Variants in ZFHX4 observed in about 807,000 individuals in gnomAD.
ZFHX4 encodes zinc finger homeobox protein 4.
Under a neutral mutation model 267.6 loss-of-function variants are expected in ZFHX4, and 56 were observed. The ratio of observed to expected loss-of-function variants is 0.21; its 90% confidence interval spans 0.17 to 0.26. The LOEUF is 0.26. ZFHX4 is among the 10% of genes least tolerant of loss of function. The probability of loss-of-function intolerance (pLI) is 1.00; values close to 1 mark genes in which losing one functional copy is unlikely to be tolerated. For missense variants in ZFHX4, 4,332 were observed against 4,420.0 expected, an observed-to-expected ratio of 0.98 and a Z score of 0.56; for synonymous variants, 1,778 against 1,665.6, an observed-to-expected ratio of 1.07 and a Z score of -1.64.
At chr8:76,782,117 T>C in intron 4 of ZFHX4, 1 of 366,828 alleles carries the variant, frequency 2.7e-6, no homozygotes, top group Non-Finnish European at 5.3e-6. Flanking sequence ...TTTTTTTTTT[T>C]TTTTTTTGCC....
At chr8:76,751,209 T>G (rs997369373) in intron 3 of ZFHX4, among the ~76,000 whole-genome samples, 2 of 152,156 alleles carry the variant, frequency 1.3e-5, no homozygotes, top group East Asian at 1.9e-4. Context: ...TTTCTGTTCA[T>G]TGCCTCTTGC....
At chr8:76,797,747 A>G (rs951435011) in intron 4 of ZFHX4, among the ~76,000 whole-genome samples, 1 of 152,162 alleles carries the variant, frequency 6.6e-6, no homozygotes, top group Non-Finnish European at 1.5e-5. Flanking sequence ...TCTAGTAATG[A>G]TGCTGCTGGG....
intron 4 of ZFHX4, among the ~76,000 whole-genome samples, chr8:76,825,210 A>G (rs1259884470): frequency 3.3e-5 from 5 of 152,254 alleles, no homozygotes; most frequent in Admixed American, 6.5e-5. Context: ...AGAATTATGC[A>G]TAAGTACAAC....
At chr8:76,858,296 C>T (rs1178321039) in intron 10 of ZFHX4, among the ~76,000 whole-genome samples, 1 of 152,218 alleles carries the variant, frequency 6.6e-6, no homozygotes, top group Non-Finnish European at 1.5e-5. Flanking sequence ...CCCAAAAATA[C>T]AGGCCCTATT....
intron 3 of ZFHX4, among the ~76,000 whole-genome samples, chr8:76,721,421 G>T (rs546758590): frequency 1.7e-4 from 26 of 152,268 alleles, no homozygotes; most frequent in South Asian, 1.4e-3. Context: ...AAAATGCCCT[G>T]TTCTGGGCCC....
intron 4 of ZFHX4, among the ~76,000 whole-genome samples, chr8:76,813,088 G>A (rs550522802): frequency 4.6e-5 from 7 of 152,132 alleles, no homozygotes; most frequent in African/African-American, 1.7e-4. Context: ...ATGCATAAAA[G>A]TAAAAATTCT....
At chr8:76,764,369 T>G (rs747357799) in intron 3 of ZFHX4, among the ~76,000 whole-genome samples, 1 of 152,172 alleles carries the variant, frequency 6.6e-6, no homozygotes, top group Non-Finnish European at 1.5e-5. Flanking sequence ...TGTTTATTTA[T>G]GCTAGTCAGT....
chr8:76,689,191 A>C (rs561331370), intron 1 of ZFHX4, among the ~76,000 whole-genome samples: 1 of 152,284 alleles, frequency 6.6e-6, no homozygotes, highest in East Asian at 1.9e-4. Context: ...TACATGCAGA[A>C]GGGCTTATTA....
chr8:76,798,603 C>G (rs1320507776), intron 4 of ZFHX4, among the ~76,000 whole-genome samples: 1 of 152,128 alleles, frequency 6.6e-6, no homozygotes. Context: ...AAATTCATTG[C>G]TCATGGCAAG....
chr8:76,825,986 C>T (rs993388641), intron 4 of ZFHX4, among the ~76,000 whole-genome samples: 2 of 152,058 alleles, frequency 1.3e-5, no homozygotes, highest in Non-Finnish European at 2.9e-5. Context: ...GCCGTTTTTG[C>T]ATCACTCTGA....
chr8:76,774,924 A>G (rs1810365332), intron 3 of ZFHX4, among the ~76,000 whole-genome samples: 1 of 152,166 alleles, frequency 6.6e-6, no homozygotes, highest in Non-Finnish European at 1.5e-5. Context: ...ACAAAATATC[A>G]GTAATAGTGG....
Position 76,855,123 on chromosome 8 carries a change from T to G in ZFHX4, c.8202T>G (p.Ser2734=), listed in dbSNP as rs748746427. The change falls in exon 10 of 11, where the codon TCT becomes TCG. Residue 2734 remains serine (S), a synonymous_variant. Transcript: ENST00000651372. The stretch of plus-strand genomic sequence containing the variant: ...AATACATCTATTTTGATTACCCATC[T>G]TTGCCATTAACTAAAATTGATCTAT... The part of the protein sequence containing the change: ...PQKYIYFDYP[S]LPLTKIDLSS... 6.8e-6 allele frequency: 11 copies of G among 1,613,746 alleles called. No homozygotes were observed. The highest frequency in any genetic ancestry group is 9.3e-6 in the Non-Finnish European group (11 of 1,179,762).
At chr8:76,760,344 T>C (rs1809876540) in intron 3 of ZFHX4, among the ~76,000 whole-genome samples, 1 of 152,212 alleles carries the variant, frequency 6.6e-6, no homozygotes, top group Non-Finnish European at 1.5e-5. Context: ...CATTCCTTTA[T>C]TAATATGTCT....
In ZFHX4 at chr8:76,865,738, TAA is replaced by T. The variant is rs1813009561; in HGVS notation, c.*1175_*1176del. ...AAGGGGACTAAAAATTTGTTTTGTA[TAA>T]AGAGGTTAGCCCTGCGCACGTAGGA... On this transcript the variant is annotated 3_prime_UTR_variant, in exon 11 of 11. Coordinates refer to ENST00000651372, the MANE Select transcript of ZFHX4 (RefSeq NM_024721.5). The T allele has an allele frequency of 6.6e-6, 1 of 152,612 alleles. No individual in the cohort carries two copies. Among genetic ancestry groups the T allele is most frequent in the African/African-American group, 2.4e-5 (1 of 41,446 alleles). The allele number at this position is 152,612 out of a possible 1,614,324, so 9.5% of individuals were successfully genotyped here. A position where few individuals can be genotyped will look rare whatever the true frequency, so the allele number is the denominator to read the frequency against.
chr8:76,841,153 A>G (rs920280191), intron 5 of ZFHX4, among the ~76,000 whole-genome samples: 2 of 152,202 alleles, frequency 1.3e-5, no homozygotes, highest in African/African-American at 4.8e-5. Context: ...GAGGACTCAC[A>G]GTTGAAACAA....
chr8:76,746,847 C>A (rs1190422507), intron 3 of ZFHX4, among the ~76,000 whole-genome samples: 1 of 152,120 alleles, frequency 6.6e-6, no homozygotes, highest in Non-Finnish European at 1.5e-5. Flanking sequence ...TCATTTCACC[C>A]TGCTGATGGT....
intron 4 of ZFHX4, 52 bp downstream of exon 4, chr8:76,778,491 TCACACACACA>T: frequency 7.7e-7 from 1 of 1,291,142 alleles, no homozygotes; most frequent in Non-Finnish European, 1.1e-6. Flanking sequence ...CACCACTTCA[TCACACACACA>T]CACACACAAA....
intron 4 of ZFHX4, among the ~76,000 whole-genome samples, chr8:76,811,420 T>G (rs17437854): frequency 0.075 from 11,348 of 152,290 alleles, 565 homozygotes; most frequent in South Asian, 0.12. Flanking sequence ...TTTAACAATA[T>G]GTTGGTGGCT....
intron 1 of ZFHX4, among the ~76,000 whole-genome samples, chr8:76,699,635 T>A (rs1808050215): frequency 6.6e-6 from 1 of 151,828 alleles, no homozygotes; most frequent in Non-Finnish European, 1.5e-5. Flanking sequence ...TTTAAAAGCT[T>A]CTGTACAGTA....
Sources: allele counts gnomAD v4.1 joint callset (sites outside exome capture counted in the v4.1 genomes callset), GRCh38; gene constraint gnomAD v4.1.1; transcripts MANE v1.5; gene names NCBI Gene and HGNC (gene_info 2026-07-23, HGNC 2026-07-21).